TRHDE: variants seen among roughly 807,000 people sequenced by gnomAD.
TRHDE encodes thyrotropin-releasing hormone-degrading ectoenzyme.
A neutral mutation model predicts 125.7 loss-of-function variants in TRHDE; 72 were observed. That is an observed-to-expected ratio of 0.57 (90% confidence interval 0.47 to 0.70). TRHDE has a LOEUF of 0.70. Ranked by LOEUF, TRHDE falls within the 30% of genes least tolerant of loss-of-function variation. The pLI is 0.00. For synonymous variants in TRHDE, 509 were observed against 509.1 expected (o/e 1.00, Z 0.00); for missense variants, 1,110 against 1,327.1 (o/e 0.84, Z 2.54).
intron 1 of TRHDE, among the ~76,000 whole-genome samples, chr12:72,091,728 G>T (rs191830750): frequency 8.5e-5 from 13 of 152,294 alleles, no homozygotes; most frequent in Admixed American, 8.5e-4. Flanking sequence ...GACAAACTGG[G>T]TATGCCACCC....
intron 6 of TRHDE, among the ~76,000 whole-genome samples, chr12:72,530,489 T>G (rs1868493039): frequency 6.9e-6 from 1 of 145,138 alleles, no homozygotes; most frequent in African/African-American, 2.6e-5. Context: ...TTGAGGAACT[T>G]AATTACTTTT....
At chr12:72,324,904 C>T (rs12815278) in intron 2 of TRHDE, among the ~76,000 whole-genome samples, 45,271 of 151,928 alleles carry the variant, frequency 0.3, 8,553 homozygotes, top group Non-Finnish European at 0.43. Flanking sequence ...TCACAAACAT[C>T]GTTCTAGACA....
rs115390760 is a variant in TRHDE, at chr12:72,461,758, A to G, written c.1316-8000A>G. ...CATAATATAAAATTTCAATTTGAAA[A>G]TTAAAATCTATAATGGAACATATTA... On this transcript the variant is annotated intron_variant, in intron 3 of 18. Coordinates refer to ENST00000261180, the MANE Select transcript of TRHDE (RefSeq NM_013381.3). Among the ~76,000 whole-genome samples the G allele has an allele frequency of 1.4e-3, 214 of 152,262 alleles. 1 individual carries two copies. Among genetic ancestry groups the G allele is most frequent in the African/African-American group, 5.0e-3 (206 of 41,540 alleles).
intron 2 of TRHDE, among the ~76,000 whole-genome samples, chr12:72,287,771 GC>G (rs1216762424): frequency 2.6e-5 from 4 of 151,950 alleles, no homozygotes; most frequent in African/African-American, 4.8e-5. Flanking sequence ...CTCTTTGATG[GC>G]TATCATTTGT....
chr12:72,300,664 T>TAC (rs971645579), intron 2 of TRHDE, among the ~76,000 whole-genome samples: 1 of 151,536 alleles, frequency 6.6e-6, no homozygotes. Context: ...AGTATGTATA[T>TAC]ACACACACAC....
At chr12:72,301,263 T>A (rs1868257475) in intron 2 of TRHDE, among the ~76,000 whole-genome samples, 1 of 152,010 alleles carries the variant, frequency 6.6e-6, no homozygotes. Flanking sequence ...GGGAAAAAAA[T>A]AAAGGACCAC....
chr12:72,120,712 C>T (rs908716297), intron 2 of TRHDE, among the ~76,000 whole-genome samples: 11 of 122,638 alleles, frequency 9.0e-5, no homozygotes, highest in African/African-American at 3.5e-4. Flanking sequence ...TGGGGTCTTG[C>T]TCTGTTGCCA....
chr12:72,312,976 T>C (rs1868617863), intron 2 of TRHDE, among the ~76,000 whole-genome samples: 1 of 152,112 alleles, frequency 6.6e-6, no homozygotes, highest in Admixed American at 6.6e-5. Context: ...CCTTCCTCTC[T>C]CCCTCCCTTC....
At chr12:72,129,171 T>C (rs1056515539) in intron 2 of TRHDE, among the ~76,000 whole-genome samples, 1 of 152,112 alleles carries the variant, frequency 6.6e-6, no homozygotes, top group Non-Finnish European at 1.5e-5. Flanking sequence ...AAACATATCT[T>C]TCAAAATCAA....
intron 6 of TRHDE, among the ~76,000 whole-genome samples, chr12:72,502,411 C>T (rs990530914): frequency 5.9e-5 from 9 of 151,888 alleles, no homozygotes; most frequent in Admixed American, 4.6e-4. Flanking sequence ...TTAATTGCCT[C>T]GTGTCTTATT....
At chr12:72,612,178 G>T (rs573987337) in intron 12 of TRHDE, among the ~76,000 whole-genome samples, 2 of 152,044 alleles carry the variant, frequency 1.3e-5, no homozygotes, top group Admixed American at 6.5e-5. Context: ...CACCAAACTT[G>T]TTGCTTCCTC....
chr12:72,215,911 C>T (rs973530491), intron 2 of TRHDE, among the ~76,000 whole-genome samples: 7 of 152,024 alleles, frequency 4.6e-5, no homozygotes, highest in African/African-American at 1.4e-4. Context: ...TATGCACTTT[C>T]GCCAAAAGGA....
At chr12:72,654,772 T>C (rs1162509013) in intron 17 of TRHDE, among the ~76,000 whole-genome samples, 5 of 152,126 alleles carry the variant, frequency 3.3e-5, no homozygotes, top group African/African-American at 7.2e-5. Context: ...GTTTGTTGAA[T>C]TATTCCTCTC....
chr12:72,409,167 G>A (rs188581710), intron 3 of TRHDE, among the ~76,000 whole-genome samples: 7 of 152,210 alleles, frequency 4.6e-5, no homozygotes, highest in Non-Finnish European at 8.8e-5. Context: ...TATCTCTAAA[G>A]GAATAGCAGC....
chr12:72,108,184 T>C (rs1875232996), intron 2 of TRHDE, among the ~76,000 whole-genome samples: 1 of 152,084 alleles, frequency 6.6e-6, no homozygotes, highest in African/African-American at 2.4e-5. Context: ...ACAAGAATCA[T>C]TAAAAGTGAT....
At chr12:72,144,245 G>GT (rs1209303871) in intron 2 of TRHDE, among the ~76,000 whole-genome samples, 1 of 152,126 alleles carries the variant, frequency 6.6e-6, no homozygotes, top group African/African-American at 2.4e-5. Flanking sequence ...GTGGGTCAGT[G>GT]TTTTTTGCCA....
chr12:72,575,132 A>G (rs1870930790), intron 10 of TRHDE, 123 bp from the exon 11 acceptor site: 4 of 915,304 alleles, frequency 4.4e-6, no homozygotes, highest in Non-Finnish European at 6.5e-6. Context: ...GTAGGCTTCA[A>G]TTAGGTATTT....
chr12:72,413,029 C>T (rs1047015542), intron 3 of TRHDE, among the ~76,000 whole-genome samples: 1 of 151,744 alleles, frequency 6.6e-6, no homozygotes, highest in Non-Finnish European at 1.5e-5. Flanking sequence ...TTTCTTGACC[C>T]AGATGGTGAT....
Position 72,378,084 on chromosome 12 carries a change from A to G in TRHDE, c.1278A>G (p.Glu426=). ...CAAAGAGATTAATAGAATTTTATGA[A>G]GACTACTTTAAAGTGCCCTATTCCT... The part of the protein sequence containing the change: ...HITKRLIEFY[E]DYFKVPYSLP... Residue 426 remains glutamate, a synonymous_variant, in exon 3 of 19, where the codon GAA becomes GAG. Coordinates refer to ENST00000261180, the MANE Select transcript of TRHDE (RefSeq NM_013381.3). The G allele has an allele frequency of 6.2e-7, 1 of 1,604,404 alleles. No homozygotes were observed. The highest frequency in any genetic ancestry group is 1.1e-5 in the South Asian group (1 of 88,452).
Sources: gnomAD v4.1 joint callset for allele counts (sites outside exome capture counted in the v4.1 genomes callset) on GRCh38, gnomAD v4.1.1 for gene constraint, MANE v1.5 for transcripts, NCBI Gene and HGNC (gene_info 2026-07-23, HGNC 2026-07-21) for gene names.